Variants in ELMO2 observed in about 807,000 individuals in gnomAD.
The protein encoded by ELMO2 is engulfment and cell motility 2.
A neutral mutation model predicts 96.2 loss-of-function variants in ELMO2; 37 were observed. The observed-to-expected ratio is 0.38, with a 90% CI of 0.30 to 0.51. ELMO2 has a LOEUF of 0.51. ELMO2 is among the 20% of genes least tolerant of loss of function. The pLI is 0.88. For missense variants in ELMO2, 561 were observed against 912.6 expected (o/e 0.61, Z 4.96); for synonymous variants, 315 against 329.4 (o/e 0.96, Z 0.47).
At chr20:46,401,248 G>T (rs2060330050) in intron 1 of ELMO2, among the ~76,000 whole-genome samples, 1 of 152,154 alleles carries the variant, frequency 6.6e-6, no homozygotes, top group Non-Finnish European at 1.5e-5. Context: ...TCAGTCCACT[G>T]AATGACGATC....
At chr20:46,404,707 C>T (rs2145867802) in intron 1 of ELMO2, among the ~76,000 whole-genome samples, 1 of 152,206 alleles carries the variant, frequency 6.6e-6, no homozygotes, top group East Asian at 1.9e-4. Context: ...AAAATACAAA[C>T]CAGGTTTCAA....
At chr20:46,395,807 C>G (rs1568785045) in intron 2 of ELMO2, among the ~76,000 whole-genome samples, 1 of 152,248 alleles carries the variant, frequency 6.6e-6, no homozygotes, top group Admixed American at 6.5e-5. Flanking sequence ...TGTAAAGGAA[C>G]TAGTTTTCCA....
rs757578934 is a variant in ELMO2 at position 46,371,411 on chromosome 20, T to C, written c.1742A>G (p.Tyr581Cys). The change falls in exon 19 of 22, where the codon TAT becomes TGT. Residue 581 changes from tyrosine (Y) to cysteine (C), a missense_variant. Coordinates refer to ENST00000290246, the MANE Select transcript of ELMO2 (RefSeq NM_133171.5). This position sits in a 1 kb window ranked among gnomAD's most constrained non-coding sequence, Gnocchi z 5.9. The stretch of plus-strand genomic sequence containing the variant: ...TTGTGGGTTGTCATCCAAGTCACCA[T>C]AGTGAAGGACCTTGTGGTTCAGTGC... ...RLALNHKVLH[Y>C]GDLDDNPQGE... 2 of 1,614,116 alleles carry C rather than the reference T, an allele frequency of 1.2e-6. No individual in the cohort carries two copies. The highest frequency in any genetic ancestry group is 1.7e-6 in the Non-Finnish European group (2 of 1,180,038).
Position 46,393,555 on chromosome 20 carries a change from C to A in ELMO2, c.166G>T (p.Gly56Cys). The change falls in exon 5 of 22, where the codon GGT becomes TGT. Residue 56 changes from glycine to cysteine, a missense_variant. Coordinates refer to ENST00000290246, the MANE Select transcript of ELMO2 (RefSeq NM_133171.5). The part of the protein sequence containing the change: ...PEYYTLRYAD[G>C]PQLYITEQTR... ...TGTTCGGTGATGTACAGCTGAGGAC[C>A]ATCTGCATAACGGAGGGTATAATAC... 6.2e-7 allele frequency: 1 copy of A among 1,614,120 alleles called. No individual in the cohort carries two copies. The highest frequency in any genetic ancestry group is 1.1e-5 in the South Asian group (1 of 91,078).
At chr20:46,369,961 GGTGTGTGTGTGTGTGTGT>G (rs200632114) in intron 20 of ELMO2, 324 of 50,226 alleles carry the variant, frequency 6.5e-3, no homozygotes, top group African/African-American at 0.016. Context: ...TGGGTATGGG[GGTGTGTGTGTGTGTGTGT>G]GTGTGTGTGT....
chr20:46,379,727 C>T (rs763024711), intron 11 of ELMO2, among the ~76,000 whole-genome samples: 7 of 152,150 alleles, frequency 4.6e-5, no homozygotes, highest in Non-Finnish European at 1.0e-4. Flanking sequence ...AGACATTCCT[C>T]TAAAAGTTTC....
In ELMO2 at chr20:46,375,542, G is replaced by T. The variant is rs2059843600; in HGVS notation, c.930+126C>A. 7.9e-6 allele frequency: 12 copies of T among 1,513,738 alleles called. No homozygotes were observed. Among genetic ancestry groups the T allele is most frequent in the Non-Finnish European group, 1.1e-5 (12 of 1,110,374 alleles). 93.8% of individuals were successfully genotyped at this position (1,513,738 alleles called of 1,614,324 possible). ...GGGCTTGGCTCATGGTGCAGATCATGCTAGATTTTCTAGGGCAGATGCAAA... is the reference window on the plus strand; with the variant it reads ...GGGCTTGGCTCATGGTGCAGATCATTCTAGATTTTCTAGGGCAGATGCAAA... On this transcript the variant is annotated intron_variant, in intron 12 of 21. Transcript: ENST00000290246. This position sits in a 1 kb window ranked among gnomAD's most constrained non-coding sequence, Gnocchi z 4.6.
chr20:46,396,238 T>A (rs1245082966), intron 2 of ELMO2, among the ~76,000 whole-genome samples: 1 of 151,980 alleles, frequency 6.6e-6, no homozygotes, highest in Non-Finnish European at 1.5e-5. Context: ...AGACAGGGAG[T>A]TCTTGTTCTA....
intron 11 of ELMO2, among the ~76,000 whole-genome samples, chr20:46,379,702 C>T (rs2145794805): frequency 6.6e-6 from 1 of 152,228 alleles, no homozygotes; most frequent in East Asian, 1.9e-4. Flanking sequence ...TACTCATCCT[C>T]TAAGGGTCAC....
chr20:46,384,571 G>A (rs1186239238), intron 9 of ELMO2, among the ~76,000 whole-genome samples: 1 of 151,852 alleles, frequency 6.6e-6, no homozygotes, highest in Non-Finnish European at 1.5e-5. Flanking sequence ...AACCAGAGAA[G>A]TAGATGTGAG....
rs1465040340 is a variant in ELMO2, at chr20:46,383,404, G to A, written c.756+12C>T. 11 of 1,613,158 alleles carry A rather than the reference G, an allele frequency of 6.8e-6. No homozygotes were observed. Among genetic ancestry groups the A allele is most frequent in the Non-Finnish European group, 8.5e-6 (10 of 1,179,206 alleles). ...GAGCCCAGATGAAAAATGTGAAAAG[G>A]CAGCCACAGACCTGTCGTTTGTCCT... On this transcript the variant is annotated intron_variant, in intron 10 of 21. Transcript: ENST00000290246.
Position 46,367,480 on chromosome 20 carries a change from G to A in ELMO2, c.2043C>T (p.Thr681=), listed in dbSNP as rs1358206989. The change falls in exon 22 of 22, where the codon ACC becomes ACT. Residue 681 remains threonine, a synonymous_variant. Coordinates refer to ENST00000290246, the MANE Select transcript of ELMO2 (RefSeq NM_133171.5). ...GCAGCTTCATCTCCATGCTCAGCAG[G>A]GTGTCCAGGTCACTCTTGGTCAGCT... The part of the protein sequence containing the change: ...SSELTKSDLD[T]LLSMEMKLRL... 5 of 1,613,506 alleles carry A rather than the reference G, an allele frequency of 3.1e-6. No homozygotes were observed. Among genetic ancestry groups the A allele is most frequent in the Non-Finnish European group, 3.4e-6 (4 of 1,179,880 alleles).
At chr20:46,401,535 T>C (rs2060335618) in intron 1 of ELMO2, among the ~76,000 whole-genome samples, 1 of 152,190 alleles carries the variant, frequency 6.6e-6, no homozygotes, top group Non-Finnish European at 1.5e-5. Flanking sequence ...TCTTCTCTTA[T>C]CCTGCACAGA....
chr20:46,388,941 T>A, intron 7 of ELMO2, 98 bp downstream of exon 7: 1 of 1,302,382 alleles, frequency 7.7e-7, no homozygotes, highest in Admixed American at 2.0e-5. Flanking sequence ...TGGTATTCAA[T>A]AAACTCCTTA....
intron 2 of ELMO2, 108 bp from the exon 3 acceptor site, chr20:46,394,640 A>G (rs1243260388): frequency 2.5e-6 from 2 of 801,338 alleles, no homozygotes; most frequent in Non-Finnish European, 4.0e-6. Context: ...GTAACACATG[A>G]AACTACCTGG....
At chr20:46,376,318 C>T (rs1280489040) in intron 11 of ELMO2, among the ~76,000 whole-genome samples, 1 of 152,108 alleles carries the variant, frequency 6.6e-6, no homozygotes, top group Non-Finnish European at 1.5e-5. Context: ...CTCCTACCAG[C>T]TCCCTCCCAC....
intron 4 of ELMO2, 104 bp downstream of exon 4, chr20:46,393,945 G>T: frequency 6.7e-7 from 1 of 1,494,428 alleles, no homozygotes; most frequent in South Asian, 1.2e-5. Flanking sequence ...CCCATGCTGA[G>T]GACCTGCCTA....
Position 46,373,458 on chromosome 20 carries a change from T to C in ELMO2, c.1357A>G (p.Ile453Val). Residue 453 changes from isoleucine to valine, a missense_variant, in exon 16 of 22, where the codon ATC (isoleucine) becomes GTC (valine). Physicochemically the swap from Ile to Val is conservative, Grantham distance 29. Coordinates refer to ENST00000290246, the MANE Select transcript of ELMO2 (RefSeq NM_133171.5). ...TTCCAGGTCTTGTTCAACAGCTGGA[T>C]GCAGATTCCAAAGAGCTCTTCAAAG... ...RAFEELFGIC[I>V]QLLNKTWKEM... 2 of 1,614,212 alleles carry C rather than the reference T, an allele frequency of 1.2e-6. No individual in the cohort carries two copies. The highest frequency in any genetic ancestry group is 1.3e-5 in the African/African-American group (1 of 75,038).
At chr20:46,393,670 T>A in intron 4 of ELMO2, 69 bp from the exon 5 acceptor site, 2 of 1,526,850 alleles carry the variant, frequency 1.3e-6, no homozygotes, top group Middle Eastern at 4.6e-4. Context: ...ATAAGTAATT[T>A]TCAAAAGAGT....
Sources: gnomAD v4.1 joint callset for allele counts (sites outside exome capture counted in the v4.1 genomes callset) on GRCh38, gnomAD v4.1.1 for gene constraint, Gnocchi (gnomAD v3.1) non-coding constraint, MANE v1.5 for transcripts, NCBI Gene and HGNC (gene_info 2026-07-23, HGNC 2026-07-21) for gene names.